The following ZBBX variants were observed in gnomAD, a reference collection of about 807,000 sequenced individuals.
ZBBX encodes the protein zinc finger B-box domain containing.
ZBBX carries 101 observed loss-of-function variants against 108.5 expected under a neutral mutation model. The observed-to-expected ratio is 0.93, with a 90% CI of 0.79 to 1.10. ZBBX has a LOEUF of 1.10. Ranked by LOEUF, ZBBX falls within the 50% of genes least tolerant of loss-of-function variation. The probability of loss-of-function intolerance (pLI) is 0.00; values close to 1 mark genes in which losing one functional copy is unlikely to be tolerated. For missense variants in ZBBX, 1,009 were observed against 941.4 expected, an observed-to-expected ratio of 1.07 and a Z score of -0.94; for synonymous variants, 356 against 323.4, an observed-to-expected ratio of 1.10 and a Z score of -1.08.
At chr3:167,274,829 C>A (rs920280278) in intron 20 of ZBBX, among the ~76,000 whole-genome samples, 1 of 152,114 alleles carries the variant, frequency 6.6e-6, no homozygotes, top group African/African-American at 2.4e-5. Context: ...GACCCCAGCC[C>A]ATGGGGGAAG....
intron 21 of ZBBX, 73 bp from the exon 22 acceptor site, chr3:167,240,992 A>G: frequency 6.5e-7 from 1 of 1,539,386 alleles, no homozygotes; most frequent in Non-Finnish European, 8.8e-7. Context: ...CTTCTGATCA[A>G]TACTACATAT....
intron 20 of ZBBX, among the ~76,000 whole-genome samples, chr3:167,259,667 G>T (rs575901872): frequency 1.3e-5 from 2 of 151,966 alleles, no homozygotes; most frequent in Non-Finnish European, 2.9e-5. Context: ...GTTTTGATAC[G>T]TTGTGTCATT....
At chr3:167,237,496 T>A (rs1439900175), downstream of ZBBX, among the ~76,000 whole-genome samples, 2 of 151,912 alleles carry the variant, frequency 1.3e-5, no homozygotes, top group African/African-American at 4.8e-5. Context: ...TTGTGGAATA[T>A]CTGTAACTCT....
chr3:167,200,718 ACG>A, the ZBBX span, among the ~76,000 whole-genome samples: 5,350 of 152,282 alleles, frequency 0.035, 137 homozygotes, highest in Non-Finnish European at 0.055. Context: ...AGAAGTAAAT[ACG>A]CTCTGTTTCC....
At chr3:167,276,501 A>T (rs762501430) in intron 20 of ZBBX, among the ~76,000 whole-genome samples, 1 of 152,188 alleles carries the variant, frequency 6.6e-6, no homozygotes, top group Non-Finnish European at 1.5e-5. Context: ...TCAGTGATGG[A>T]AGATGAAATG....
the ZBBX span, among the ~76,000 whole-genome samples, chr3:167,207,075 A>G: frequency 1.3e-5 from 2 of 152,220 alleles, no homozygotes; most frequent in South Asian, 4.1e-4. Context: ...TGCATTGGCA[A>G]TACTTTTTTG....
chr3:167,289,000 G>C lies in ZBBX; in HGVS notation c.1880-17C>G, dbSNP rs918679082. 3.6e-5 allele frequency: 54 copies of C among 1,499,404 alleles called. No individual in the cohort carries two copies. Among genetic ancestry groups the C allele is most frequent in the Non-Finnish European group, 4.4e-5 (49 of 1,112,484 alleles). The allele number at this position is 1,499,404 out of a possible 1,614,324, so 92.9% of individuals were successfully genotyped here. ...CTCTGTCTTCTGAAATTGAAAAACA[G>C]TAAGATAACATAAAGTTTGAAAAGA... On this transcript the variant is annotated splice_polypyrimidine_tract_variant and intron_variant, in intron 18 of 21. Transcript: ENST00000675490.
rs199795579 is a variant in ZBBX at position 167,327,990 on chromosome 3, C to T, written c.814G>A (p.Gly272Arg). ...TGTTTCTTGTTGTCATCATGATTTC[C>T]GGTTCTCCATTGACTTAACACTTCC... is the stretch of plus-strand genomic sequence containing the variant. ...FQEVLSQWRT[G>R]NHDDNKKQNL... The change falls in exon 11 of 22, where the codon GGA (glycine) becomes AGA (arginine). Residue 272 changes from glycine (G) to arginine (R), a missense_variant. By Grantham distance (125) the Gly-to-Arg change is moderately radical. Transcript: ENST00000675490. 68 of 1,610,278 alleles carry T rather than the reference C, an allele frequency of 4.2e-5. No individual in the cohort carries two copies. The highest frequency in any genetic ancestry group is 1.2e-4 in the Admixed American group (7 of 59,632).
In ZBBX at chr3:167,277,690, C is replaced by T. The variant is rs1367332967; in HGVS notation, c.2254+4548G>A. 2.5e-4 allele frequency among the ~76,000 whole-genome samples: 38 copies of T among 152,184 alleles called. No individual in the cohort carries two copies. The South Asian group carries it at 6.4e-3, about 26-fold the overall frequency. ...CCACTGTCAACAATAGACAGATCAA[C>T]GAGACAGAAAGTCAACAAGGATACC... On this transcript the variant is annotated intron_variant, in intron 20 of 21. Coordinates refer to ENST00000675490, the MANE Select transcript of ZBBX (RefSeq NM_001199201.2).
the ZBBX span, among the ~76,000 whole-genome samples, chr3:167,200,863 C>T: frequency 6.6e-6 from 1 of 152,182 alleles, no homozygotes; most frequent in East Asian, 1.9e-4. Flanking sequence ...ACATCCCACC[C>T]ATTTGGAAGG....
At chr3:167,330,874 A>AAGGAGG (rs1738408753) in intron 10 of ZBBX, among the ~76,000 whole-genome samples, 1 of 92,404 alleles carries the variant, frequency 1.1e-5, no homozygotes. Flanking sequence ...GGAGGAGGAG[A>AAGGAGG]AGAAGAAGAA....
chr3:167,299,690 T>C (rs1732312272), intron 17 of ZBBX, among the ~76,000 whole-genome samples: 1 of 152,162 alleles, frequency 6.6e-6, no homozygotes. Context: ...GAAATCATTT[T>C]CTGAAAACTG....
intron 8 of ZBBX, among the ~76,000 whole-genome samples, chr3:167,351,900 G>C (rs1384868990): frequency 1.3e-5 from 2 of 152,114 alleles, no homozygotes; most frequent in Non-Finnish European, 2.9e-5. Flanking sequence ...AAAACTGTCT[G>C]CTGGCCTTTC....
intron 19 of ZBBX, among the ~76,000 whole-genome samples, chr3:167,286,051 C>G (rs1164929671): frequency 1.3e-5 from 2 of 152,118 alleles, no homozygotes; most frequent in Non-Finnish European, 2.9e-5. Flanking sequence ...AAGAGACCAG[C>G]ACTAGATAGG....
chr3:167,334,009 T>A (rs775456036), intron 9 of ZBBX, 24 bp from the exon 10 acceptor site: 5 of 1,466,566 alleles, frequency 3.4e-6, no homozygotes, highest in Non-Finnish European at 4.6e-6. Context: ...AACAATATAA[T>A]TAAAGCGCCT....
At chr3:167,363,314 C>T (rs551963885) in intron 6 of ZBBX, among the ~76,000 whole-genome samples, 7 of 152,174 alleles carry the variant, frequency 4.6e-5, no homozygotes, top group African/African-American at 1.4e-4. Flanking sequence ...CTCCAAACCT[C>T]TTCATTCCCA....
chr3:167,298,395 A>G lies in ZBBX; in HGVS notation c.1789T>C (p.Phe597Leu). 6.3e-7 allele frequency: 1 copy of G among 1,597,638 alleles called. No individual in the cohort carries two copies. The highest frequency in any genetic ancestry group is 8.5e-7 in the Non-Finnish European group (1 of 1,170,192). Residue 597 changes from phenylalanine (F) to leucine (L), a missense_variant, in exon 18 of 22, where the codon TTC becomes CTC. Transcript: ENST00000675490. ...ITKQYQGLER[F>L]FIFDTNERLN... ...CTTTCATTTGTATCAAAAATAAAGAATCTCTCAAGTCCTTGATATTGTTTT... is the reference window on the plus strand; with the variant it reads ...CTTTCATTTGTATCAAAAATAAAGAGTCTCTCAAGTCCTTGATATTGTTTT...
At chr3:167,330,871 G>GGAGAAGAAGAAGAAGAAGAAGAAGA (rs1738393872) in intron 10 of ZBBX, among the ~76,000 whole-genome samples, 4 of 43,916 alleles carry the variant, frequency 9.1e-5, no homozygotes, top group South Asian at 1.2e-3. Flanking sequence ...GGAGGAGGAG[G>GGAGAAGAAGAAGAAGAAGAAGAAGA]AGAAGAAGAA....
At chr3:167,358,746 C>A (rs2108531377) in intron 8 of ZBBX, among the ~76,000 whole-genome samples, 1 of 151,786 alleles carries the variant, frequency 6.6e-6, no homozygotes. Context: ...ACCATCCTGG[C>A]TAACATGGTG....
Sources: gnomAD v4.1 joint callset for allele counts (sites outside exome capture counted in the v4.1 genomes callset) on GRCh38, gnomAD v4.1.1 for gene constraint, MANE v1.5 for transcripts, NCBI Gene and HGNC (gene_info 2026-07-23, HGNC 2026-07-21) for gene names.